GLIPR1L2: variants seen among roughly 807,000 people sequenced by gnomAD.
GLIPR1L2 encodes GLIPR1-like protein 2.
A neutral mutation model predicts 28.4 loss-of-function variants in GLIPR1L2; 21 were observed. The ratio of observed to expected loss-of-function variants is 0.74; its 90% CI spans 0.52 to 1.06. The LOEUF is 1.06. GLIPR1L2 is among the 50% of genes least tolerant of loss of function. The pLI is 0.00. For synonymous variants in GLIPR1L2, 145 were observed against 139.3 expected (o/e 1.04, Z -0.29); for missense variants, 476 against 416.9 (o/e 1.14, Z -1.23).
At chr12:75,410,796 G>A (rs1430224400) in intron 2 of GLIPR1L2, 117 bp downstream of exon 2, 2 of 762,860 alleles carry the variant, frequency 2.6e-6, no homozygotes, top group African/African-American at 3.6e-5. Context: ...CATTTAATAA[G>A]ATCACAATTT....
chr12:75,407,862 G>T (rs2045820242), intron 1 of GLIPR1L2, among the ~76,000 whole-genome samples: 1 of 151,990 alleles, frequency 6.6e-6, no homozygotes, highest in Non-Finnish European at 1.5e-5. Flanking sequence ...TATCTTAGTA[G>T]TTCCCTCATT....
At chr12:75,409,904 T>G (rs905632727) in intron 1 of GLIPR1L2, among the ~76,000 whole-genome samples, 1 of 149,078 alleles carries the variant, frequency 6.7e-6, no homozygotes, top group Non-Finnish European at 1.5e-5. Context: ...ATATATAAGA[T>G]TTATATCTAA....
chr12:75,399,002 T>G (rs1220214726), intron 1 of GLIPR1L2, among the ~76,000 whole-genome samples: 1 of 152,214 alleles, frequency 6.6e-6, no homozygotes, highest in East Asian at 1.9e-4. Flanking sequence ...GAGATTTATT[T>G]GTTGATATAA....
At chr12:75,419,639 A>G (rs1387051773) in intron 3 of GLIPR1L2, among the ~76,000 whole-genome samples, 3 of 152,238 alleles carry the variant, frequency 2.0e-5, no homozygotes, top group Non-Finnish European at 4.4e-5. Context: ...GCTAAATAAT[A>G]TCAACCTTAA....
At chr12:75,422,724 G>T (rs1255705355) in intron 3 of GLIPR1L2, among the ~76,000 whole-genome samples, 180 bp from the exon 4 acceptor site, 1 of 152,146 alleles carries the variant, frequency 6.6e-6, no homozygotes, top group Non-Finnish European at 1.5e-5. Flanking sequence ...TTTCAGAAAA[G>T]ACCGTTTCCT....
chr12:75,413,362 TA>T lies in GLIPR1L2; in HGVS notation c.481-226del, dbSNP rs34217466. Among the ~76,000 whole-genome samples, 770 of 149,072 alleles carry T rather than the reference TA, an allele frequency of 5.2e-3. 3 individuals are homozygous for T. Among genetic ancestry groups the T allele is most frequent in the African/African-American group, 0.012 (491 of 40,656 alleles). On this transcript the variant is annotated intron_variant, in intron 2 of 5. Transcript: ENST00000550916. ...AAGTATAATAATAATAAAATAAAAT[TA>T]AAAAAAAAAGAATATGTTATTGGTA...
At chr12:75,417,391 C>A (rs553566445) in intron 3 of GLIPR1L2, among the ~76,000 whole-genome samples, 1 of 152,218 alleles carries the variant, frequency 6.6e-6, no homozygotes, top group East Asian at 1.9e-4. Context: ...CCTGCCAACA[C>A]CTTGATTTTG....
intron 3 of GLIPR1L2, among the ~76,000 whole-genome samples, chr12:75,420,550 C>A (rs1159449504): frequency 1.3e-5 from 2 of 152,136 alleles, no homozygotes; most frequent in Non-Finnish European, 2.9e-5. Flanking sequence ...AGACTATGTT[C>A]AAGAGTCTTG....
chr12:75,391,512 C>CACA, intron 1 of GLIPR1L2, 162 bp downstream of exon 1: 1 of 1,535,292 alleles, frequency 6.5e-7, no homozygotes, highest in South Asian at 1.2e-5. Context: ...CAGAGAAAAA[C>CACA]TGCGGACACT....
intron 1 of GLIPR1L2, among the ~76,000 whole-genome samples, chr12:75,399,044 A>G (rs930178576): frequency 5.3e-5 from 8 of 152,164 alleles, no homozygotes; most frequent in African/African-American, 1.9e-4. Context: ...TTGCTATGCT[A>G]TTTATCCCTT....
chr12:75,393,013 T>C (rs890868082), intron 1 of GLIPR1L2, among the ~76,000 whole-genome samples: 6 of 152,072 alleles, frequency 3.9e-5, no homozygotes, highest in Non-Finnish European at 7.4e-5. Context: ...ATCACTCAGC[T>C]TATTTAAACT....
rs769121895 is a variant in GLIPR1L2 at position 75,391,195 on chromosome 12, C to T, written c.79C>T (p.Arg27Trp). Reference sequence around the variant, plus strand: ...GGCAGTAGGGGGCGTTTTGAAGCTGCGGCTCTGTGAGCTGTGGCTACTGCT... The same window carrying T: ...GGCAGTAGGGGGCGTTTTGAAGCTGTGGCTCTGTGAGCTGTGGCTACTGCT... ...PLAVGGVLKLRLCELWLLLLG... is the reference protein window; with the variant it reads ...PLAVGGVLKLWLCELWLLLLG... Residue 27 changes from arginine to tryptophan, a missense_variant, in exon 1 of 6, where the codon CGG becomes TGG. Arg to Trp is a moderately radical substitution (Grantham distance 101, BLOSUM62 -3). Coordinates refer to ENST00000550916, the MANE Select transcript of GLIPR1L2 (RefSeq NM_001270396.2). 2.5e-6 allele frequency: 4 copies of T among 1,614,202 alleles called. No homozygotes were observed. The South Asian group carries it at 3.3e-5, about 13-fold the overall frequency.
intron 3 of GLIPR1L2, among the ~76,000 whole-genome samples, chr12:75,418,416 C>T (rs142361835): frequency 3.7e-4 from 56 of 152,232 alleles, no homozygotes; most frequent in African/African-American, 1.2e-3. Flanking sequence ...CCTATCAGAA[C>T]ATTAAAGTCC....
At chr12:75,402,785 TA>T (rs975887477) in intron 1 of GLIPR1L2, among the ~76,000 whole-genome samples, 1 of 152,200 alleles carries the variant, frequency 6.6e-6, no homozygotes. Flanking sequence ...AGAATCTTTG[TA>T]GTCAGTTTAG....
chr12:75,406,776 AGAGAGAG>A (rs2045806401), intron 1 of GLIPR1L2, among the ~76,000 whole-genome samples: 3 of 119,336 alleles, frequency 2.5e-5, no homozygotes, highest in Admixed American at 2.5e-4. Flanking sequence ...AAAAAAAAAG[AGAGAGAG>A]AGAGAAAGAG....
Position 75,422,909 on chromosome 12 carries a change from C to A in GLIPR1L2, c.590C>A (p.Thr197Lys), listed in dbSNP as rs1353911424. The A allele has an allele frequency of 6.2e-7, 1 of 1,604,510 alleles. No homozygotes were observed. Reference sequence around the variant, plus strand: ...TTCTGCTTTTTTGTTTGTAGAGGAACACTGACGAGAAGACCTTATGAACCA... The same window carrying A: ...TTCTGCTTTTTTGTTTGTAGAGGAAAACTGACGAGAAGACCTTATGAACCA... ...IFICNYAPGG[T>K]LTRRPYEPGI... Residue 197 changes from threonine (T) to lysine (K), a missense_variant, in exon 4 of 6, where the codon ACA (threonine) becomes AAA (lysine). Thr to Lys is a moderately conservative substitution (Grantham distance 78). Transcript: ENST00000550916.
intron 4 of GLIPR1L2, chr12:75,423,217 G>C: frequency 1.5e-6 from 2 of 1,359,066 alleles, no homozygotes; most frequent in Non-Finnish European, 9.4e-7. Flanking sequence ...GGACATACCA[G>C]AGTGTCAGAA....
intron 1 of GLIPR1L2, chr12:75,403,117 AC>A (rs1394258204): frequency 2.2e-6 from 1 of 456,778 alleles, no homozygotes; most frequent in Non-Finnish European, 4.4e-6. Flanking sequence ...CTTTGTCTTC[AC>A]TCCTGAATGA....
chr12:75,422,495 G>T (rs1038696408), intron 3 of GLIPR1L2, among the ~76,000 whole-genome samples: 10 of 151,798 alleles, frequency 6.6e-5, no homozygotes, highest in African/African-American at 2.4e-4. Context: ...GTAGAGACAG[G>T]GTTTCACCGT....
Sources: gnomAD v4.1 joint callset for allele counts (sites outside exome capture counted in the v4.1 genomes callset) on GRCh38, gnomAD v4.1.1 for gene constraint, MANE v1.5 for transcripts, NCBI Gene and HGNC (gene_info 2026-07-23, HGNC 2026-07-21) for gene names.